Variants in MAGI2 observed in about 807,000 individuals in gnomAD.
The protein encoded by MAGI2 is membrane associated guanylate kinase, WW and PDZ domain containing 2, also known as membrane-associated guanylate kinase, WW and PDZ domain-containing protein 2.
Under a neutral mutation model 133.3 loss-of-function variants are expected in MAGI2, and 35 were observed. The observed-to-expected ratio is 0.26, with a 90% CI of 0.20 to 0.35. The LOEUF is 0.35. Ranked by LOEUF, MAGI2 falls within the 10% of genes least tolerant of loss-of-function variation. The pLI, the probability that MAGI2 is intolerant of heterozygous loss-of-function variation, is 1.00. For missense variants in MAGI2, 1,636 were observed against 1,863.4 expected, an observed-to-expected ratio of 0.88 and a Z score of 2.25; for synonymous variants, 729 against 710.6, an observed-to-expected ratio of 1.03 and a Z score of -0.41.
intron 21 of MAGI2, among the ~76,000 whole-genome samples, chr7:78,045,180 T>G (rs1480998368): frequency 2.0e-5 from 3 of 151,986 alleles, no homozygotes; most frequent in Non-Finnish European, 4.4e-5. Flanking sequence ...AATAAATAAA[T>G]AAATAATAAA....
intron 2 of MAGI2, among the ~76,000 whole-genome samples, chr7:78,873,292 TGGCCTGTTAG>T: frequency 6.6e-6 from 1 of 152,178 alleles, no homozygotes. Flanking sequence ...TACTGGTTAG[TGGCCTGTTAG>T]GAATCTGGCT....
At chr7:78,484,694 A>G (rs980643071) in intron 6 of MAGI2, 1 of 151,730 alleles carries the variant, frequency 6.6e-6, no homozygotes, top group African/African-American at 2.4e-5. Context: ...ATTTTTTCCC[A>G]GTCATCTTCT....
chr7:79,125,284 A>G (rs771883439), intron 1 of MAGI2: 11 of 454,634 alleles, frequency 2.4e-5, no homozygotes, highest in Non-Finnish European at 4.2e-5. Flanking sequence ...CTGCCAAAAC[A>G]AGAGATGGCT....
At chr7:79,424,956 A>G (rs1847236073) in intron 1 of MAGI2, among the ~76,000 whole-genome samples, 2 of 152,162 alleles carry the variant, frequency 1.3e-5, no homozygotes, top group Non-Finnish European at 2.9e-5. Context: ...AACTAGGTAC[A>G]CTATTGCGAC....
intron 1 of MAGI2, among the ~76,000 whole-genome samples, chr7:79,023,883 T>A (rs929435337): frequency 2.0e-5 from 3 of 152,070 alleles, no homozygotes; most frequent in African/African-American, 2.4e-5. Context: ...ACAGTACGAA[T>A]CAATATTGTA....
intron 1 of MAGI2, among the ~76,000 whole-genome samples, chr7:79,104,788 G>C (rs1818308976): frequency 6.6e-6 from 1 of 152,172 alleles, no homozygotes; most frequent in African/African-American, 2.4e-5. Flanking sequence ...ACCTTCTCCT[G>C]TTTCTTTGGT....
chr7:79,028,231 GTATGTATATATA>G (rs1562804862), intron 1 of MAGI2, among the ~76,000 whole-genome samples: 332 of 30,850 alleles, frequency 0.011, 5 homozygotes, highest in African/African-American at 0.031. Context: ...ATATATATAT[GTATGTATATATA>G]TATATATATA....
At chr7:78,424,078 G>C (rs1279695120) in intron 6 of MAGI2, among the ~76,000 whole-genome samples, 2 of 152,166 alleles carry the variant, frequency 1.3e-5, no homozygotes, top group Non-Finnish European at 2.9e-5. Flanking sequence ...GGTCTTCATG[G>C]CAGCCCCTCC....
intron 3 of MAGI2, among the ~76,000 whole-genome samples, chr7:78,612,953 A>C (rs1806635582): frequency 2.0e-5 from 3 of 152,210 alleles, no homozygotes; most frequent in African/African-American, 7.2e-5. Flanking sequence ...CACAGGCGTG[A>C]GCCACCGCGC....
At chr7:78,599,933 A>C (rs1439525340) in intron 3 of MAGI2, among the ~76,000 whole-genome samples, 4 of 152,144 alleles carry the variant, frequency 2.6e-5, no homozygotes, top group Non-Finnish European at 1.5e-5. Context: ...TGAACTTTGG[A>C]ATGGTGCCTC....
intron 9 of MAGI2, among the ~76,000 whole-genome samples, chr7:78,326,152 A>G (rs1256306065): frequency 2.0e-5 from 3 of 152,212 alleles, no homozygotes; most frequent in Admixed American, 2.0e-4. Context: ...CTTTCATCTT[A>G]TAAGAAGAGA....
Position 78,132,931 on chromosome 7 carries a change from G to A in MAGI2, c.3161C>T (p.Pro1054Leu). 6.2e-7 allele frequency: 1 copy of A among 1,614,026 alleles called. No homozygotes were observed. Among genetic ancestry groups the A allele is most frequent in the East Asian group, 2.2e-5 (1 of 44,850 alleles). ...CAGCTGAAGTGGTTGAGGTGGTGCTGGCTGGGCGATGGGGCTGTTGGGGGT... is the reference window on the plus strand; with the variant it reads ...CAGCTGAAGTGGTTGAGGTGGTGCTAGCTGGGCGATGGGGCTGTTGGGGGT... ...PATPNSPIAQ[P>L]APPQPLQLQG... The change falls in exon 18 of 22, where the codon CCA becomes CTA. Residue 1054 changes from proline to leucine, a missense_variant. Around this residue, in one of 5 missense-constraint regions of MAGI2, gnomAD observed 920 missense variants for 1,093.5 expected, o/e 0.84. Transcript: ENST00000354212.
chr7:78,695,717 T>TG (rs1379557187), intron 2 of MAGI2, among the ~76,000 whole-genome samples: 3 of 152,008 alleles, frequency 2.0e-5, no homozygotes, highest in Admixed American at 2.0e-4. Flanking sequence ...GAGGATTTAG[T>TG]GGGGGGAAAA....
At chr7:78,668,339 A>G (rs2151064035) in intron 2 of MAGI2, among the ~76,000 whole-genome samples, 1 of 150,986 alleles carries the variant, frequency 6.6e-6, no homozygotes, top group African/African-American at 2.5e-5. Context: ...CCCATTTTGT[A>G]GGTTGCCTGT....
chr7:78,762,946 C>A (rs2151303316), intron 2 of MAGI2, among the ~76,000 whole-genome samples: 1 of 152,246 alleles, frequency 6.6e-6, no homozygotes, highest in Non-Finnish European at 1.5e-5. Flanking sequence ...GTTGTTGAGA[C>A]AAGTATGAAA....
At chr7:78,383,909 T>C (rs1483311384) in intron 6 of MAGI2, among the ~76,000 whole-genome samples, 1 of 152,160 alleles carries the variant, frequency 6.6e-6, no homozygotes, top group African/African-American at 2.4e-5. Flanking sequence ...GCTGTAAATA[T>C]GTGGCTTTAT....
chr7:78,269,279 A>G (rs745941476), intron 9 of MAGI2, among the ~76,000 whole-genome samples: 2 of 152,340 alleles, frequency 1.3e-5, no homozygotes, highest in Middle Eastern at 3.4e-3. Context: ...AGAATGATAT[A>G]TGATCCTTTG....
intron 2 of MAGI2, among the ~76,000 whole-genome samples, chr7:78,910,934 A>T (rs1017192074): frequency 2.0e-5 from 3 of 152,142 alleles, no homozygotes; most frequent in Admixed American, 1.3e-4. Context: ...ACACATTTGC[A>T]CTCTTGACCA....
At chr7:79,320,747 C>T (rs1188334317) in intron 1 of MAGI2, among the ~76,000 whole-genome samples, 1 of 151,812 alleles carries the variant, frequency 6.6e-6, no homozygotes, top group Non-Finnish European at 1.5e-5. Flanking sequence ...ATGTTGCAGG[C>T]CAAATATCAT....
Sources: allele counts gnomAD v4.1 joint callset (sites outside exome capture counted in the v4.1 genomes callset), GRCh38; gene constraint gnomAD v4.1.1; regional missense constraint gnomAD v4.1.1; transcripts MANE v1.5; gene names NCBI Gene and HGNC (gene_info 2026-07-23, HGNC 2026-07-21).